EFCC1: variants seen among roughly 807,000 people sequenced by gnomAD.
The protein encoded by EFCC1 is EF-hand and coiled-coil domain-containing protein 1.
A neutral mutation model predicts 52.1 loss-of-function variants in EFCC1; 50 were observed. The ratio of observed to expected loss-of-function variants is 0.96; its 90% CI spans 0.76 to 1.21. The LOEUF (loss-of-function observed/expected upper bound fraction) is 1.21. Ranked by LOEUF, EFCC1 falls within the 50% of genes most tolerant of loss-of-function variation. The pLI, the probability that EFCC1 is intolerant of heterozygous loss-of-function variation, is 0.00. For synonymous variants in EFCC1, 399 were observed against 396.5 expected (o/e 1.01, Z -0.08); for missense variants, 837 against 867.3 (o/e 0.97, Z 0.44).
rs1377809023 is a variant in EFCC1, at chr3:129,032,881, G to A, written c.1201G>A (p.Glu401Lys). ...GQAASDEEEV[E>K]EERWQEEKKT... ...GGCCGCCTCTGACGAGGAGGAGGTG[G>A]AGGAGGAGAGGTGGCAGGAGGAGAA... The change falls in exon 4 of 8, where the codon GAG (glutamate) becomes AAG (lysine). Residue 401 changes from glutamate (E) to lysine (K), a missense_variant. Coordinates refer to ENST00000683648, the MANE Select transcript of EFCC1 (RefSeq NM_001377500.1). 5.8e-6 allele frequency: 9 copies of A among 1,551,518 alleles called. No individual in the cohort carries two copies. Among genetic ancestry groups the A allele is most frequent in the African/African-American group, 1.4e-5 (1 of 73,182 alleles).
At chr3:129,012,883 T>C (rs1054366243) in intron 2 of EFCC1, among the ~76,000 whole-genome samples, 10 of 152,090 alleles carry the variant, frequency 6.6e-5, no homozygotes, top group African/African-American at 2.2e-4. Context: ...GCATTGGGCA[T>C]TTTTTTATGT....
At chr3:129,029,104 C>G (rs1369880776) in intron 2 of EFCC1, among the ~76,000 whole-genome samples, 1 of 152,280 alleles carries the variant, frequency 6.6e-6, no homozygotes, top group African/African-American at 2.4e-5. Context: ...CTCCCGTGTC[C>G]CCCTGACCAA....
chr3:129,033,045 G>A, intron 4 of EFCC1, 79 bp downstream of exon 4: 2 of 1,429,222 alleles, frequency 1.4e-6, no homozygotes, highest in Admixed American at 2.8e-5. Context: ...CACCTGGGAG[G>A]CTGGTTAGCC....
At chr3:129,025,905 C>T (rs978913800) in intron 2 of EFCC1, among the ~76,000 whole-genome samples, 5 of 152,240 alleles carry the variant, frequency 3.3e-5, no homozygotes, top group African/African-American at 1.2e-4. Flanking sequence ...CCACTGACAA[C>T]GGCAGCTGGG....
chr3:129,015,735 C>T (rs983178473), intron 2 of EFCC1, among the ~76,000 whole-genome samples: 2 of 152,012 alleles, frequency 1.3e-5, no homozygotes, highest in Non-Finnish European at 2.9e-5. Context: ...ACTGTCCCCC[C>T]ACCCCTTGTG....
chr3:129,002,333 C>G lies in EFCC1; in HGVS notation c.696+9C>G. On this transcript the variant is annotated intron_variant, in intron 1 of 7. Coordinates refer to ENST00000683648, the MANE Select transcript of EFCC1 (RefSeq NM_001377500.1). ...GCTGCCTAGCACTGCAGGTGCGCGC[C>G]GGCCACGAAGGGAGGGTGGTAACGC... 1 of 1,511,402 alleles carries G rather than the reference C, an allele frequency of 6.6e-7. No homozygotes were observed. The highest frequency in any genetic ancestry group is 8.8e-7 in the Non-Finnish European group (1 of 1,137,232). 93.6% of individuals were successfully genotyped at this position (1,511,402 alleles called of 1,614,324 possible).
rs376865064 is a variant in EFCC1 at position 129,031,777 on chromosome 3, T to C, written c.1138+917T>C. Reference sequence around the variant, plus strand: ...CTCATAGTGGCAAGATGGTCACCAGTGGCTCCAGGCCTGGTCCTCTCAACT... The same window carrying C: ...CTCATAGTGGCAAGATGGTCACCAGCGGCTCCAGGCCTGGTCCTCTCAACT... On this transcript the variant is annotated intron_variant, in intron 3 of 7. Transcript: ENST00000683648. 2.3e-4 allele frequency among the ~76,000 whole-genome samples: 35 copies of C among 152,308 alleles called. 2 individuals are homozygous for C. The highest frequency in any genetic ancestry group is 1.4e-3 in the East Asian group (7 of 5,184).
At chr3:129,034,652 G>A (rs1946333961) in intron 5 of EFCC1, among the ~76,000 whole-genome samples, 1 of 152,156 alleles carries the variant, frequency 6.6e-6, no homozygotes, top group South Asian at 2.1e-4. Flanking sequence ...TCTGTAGGAG[G>A]TGGCCTCACT....
intron 2 of EFCC1, 156 bp from the exon 3 acceptor site, chr3:129,030,547 G>A: frequency 1.2e-6 from 1 of 815,296 alleles, no homozygotes; most frequent in Non-Finnish European, 1.7e-6. Context: ...AAGGGATGCT[G>A]GGAATCTGAG....
At chr3:129,002,671 C>T (rs1173620260) in intron 1 of EFCC1, 1 of 312,570 alleles carries the variant, frequency 3.2e-6, no homozygotes, top group Non-Finnish European at 5.8e-6. Flanking sequence ...TTTCAACAAG[C>T]ATCTTTCTCT....
intron 1 of EFCC1, chr3:129,003,412 C>A: frequency 4.4e-6 from 2 of 452,098 alleles, no homozygotes; most frequent in African/African-American, 2.1e-5. Context: ...CTGGAAATGC[C>A]ACTGGGGGGA....
chr3:129,033,624 T>G (rs1221701793), intron 4 of EFCC1, among the ~76,000 whole-genome samples: 1 of 152,214 alleles, frequency 6.6e-6, no homozygotes, highest in Non-Finnish European at 1.5e-5. Context: ...CACCAATTCT[T>G]CATGTCAACA....
rs1946400629 is a variant in EFCC1, at chr3:129,039,743, T to C, written c.1695T>C (p.Asp565=). The change falls in exon 8 of 8, where the codon GAT becomes GAC. Residue 565 remains aspartate (D), a synonymous_variant. Coordinates refer to ENST00000683648, the MANE Select transcript of EFCC1 (RefSeq NM_001377500.1). ...EGRPSPAAIL[D]ALHQALAACQ... ...GGCCCAGCCCTGCAGCCATCCTGGATGCCCTGCACCAAGCCTTGGCTGCCT... is the reference window on the plus strand; with the variant it reads ...GGCCCAGCCCTGCAGCCATCCTGGACGCCCTGCACCAAGCCTTGGCTGCCT... 1 of 1,610,156 alleles carries C rather than the reference T, an allele frequency of 6.2e-7. No homozygotes were observed. The highest frequency in any genetic ancestry group is 1.3e-5 in the African/African-American group (1 of 74,800).
chr3:129,020,494 G>T (rs1945788617), intron 2 of EFCC1, among the ~76,000 whole-genome samples: 1 of 152,172 alleles, frequency 6.6e-6, no homozygotes, highest in Non-Finnish European at 1.5e-5. Context: ...AAAATTGGCT[G>T]AGCATGGTGG....
chr3:129,011,464 T>C (rs1196710506), intron 2 of EFCC1, among the ~76,000 whole-genome samples: 1 of 151,952 alleles, frequency 6.6e-6, no homozygotes. Context: ...GGCAGGAGAA[T>C]TGCTTGAACC....
intron 7 of EFCC1, 121 bp downstream of exon 7, chr3:129,039,021 C>A: frequency 2.2e-6 from 2 of 909,852 alleles, no homozygotes; most frequent in Non-Finnish European, 3.5e-6. Flanking sequence ...TATTCCTGCC[C>A]TGCATGCTTT....
rs537941548 is a variant in EFCC1, at chr3:129,034,249, G to A, written c.1372G>A (p.Glu458Lys). 20 of 1,614,204 alleles carry A rather than the reference G, an allele frequency of 1.2e-5. No individual in the cohort carries two copies. Among genetic ancestry groups the A allele is most frequent in the African/African-American group, 5.3e-5 (4 of 75,040 alleles). The change falls in exon 5 of 8, where the codon GAG (glutamate) becomes AAG (lysine). Residue 458 changes from glutamate (E) to lysine (K), a missense_variant. Glu to Lys is a moderately conservative substitution (Grantham distance 56). Coordinates refer to ENST00000683648, the MANE Select transcript of EFCC1 (RefSeq NM_001377500.1). ...ANHAHTLGEL[E>K]ACIAMLVEQL... Reference sequence around the variant, plus strand: ...CCATGCCCATACCCTGGGGGAGCTGGAGGCCTGCATTGCCATGCTGGTGGA... The same window carrying A: ...CCATGCCCATACCCTGGGGGAGCTGAAGGCCTGCATTGCCATGCTGGTGGA...
At chr3:129,004,962 C>A (rs1945005484) in intron 2 of EFCC1, among the ~76,000 whole-genome samples, 3 of 152,204 alleles carry the variant, frequency 2.0e-5, no homozygotes, top group Non-Finnish European at 2.9e-5. Context: ...GGGGTCCCTG[C>A]CTGTGGGAGT....
At chr3:129,023,523 G>A (rs7627349) in intron 2 of EFCC1, among the ~76,000 whole-genome samples, 39,583 of 151,832 alleles carry the variant, frequency 0.26, 5,512 homozygotes, top group Middle Eastern at 0.38. Flanking sequence ...TAGTAGAGAC[G>A]AGGTTTCACC....
Sources: gnomAD v4.1 joint callset for allele counts (sites outside exome capture counted in the v4.1 genomes callset) on GRCh38, gnomAD v4.1.1 for gene constraint, MANE v1.5 for transcripts, NCBI Gene and HGNC (gene_info 2026-07-23, HGNC 2026-07-21) for gene names.